PDHX: variants seen among roughly 807,000 people sequenced by gnomAD.
The protein encoded by PDHX is pyruvate dehydrogenase complex component X.
A neutral mutation model predicts 55.3 loss-of-function variants in PDHX; 33 were observed. The ratio of observed to expected loss-of-function variants is 0.60; its 90% CI spans 0.45 to 0.80. The LOEUF is 0.80. Among genes scored for constraint, PDHX ranks in the 30% least tolerant of loss-of-function variants. The probability of loss-of-function intolerance (pLI) is 0.00; values close to 1 mark genes in which losing one functional copy is unlikely to be tolerated. For synonymous variants in PDHX, 226 were observed against 219.4 expected, an observed-to-expected ratio of 1.03 and a Z score of -0.27; for missense variants, 622 against 619.9, an observed-to-expected ratio of 1.00 and a Z score of -0.04.
intron 2 of PDHX, among the ~76,000 whole-genome samples, chr11:34,933,196 A>G (rs1294686792): frequency 6.6e-6 from 1 of 152,254 alleles, no homozygotes; most frequent in Non-Finnish European, 1.5e-5. Context: ...AAACAAAATT[A>G]AAGTGTAAAA....
chr11:34,987,897 C>G (rs1337072804), intron 9 of PDHX, among the ~76,000 whole-genome samples: 1 of 152,100 alleles, frequency 6.6e-6, no homozygotes, highest in Non-Finnish European at 1.5e-5. Context: ...GTAATAAATG[C>G]ATTTTCTGTC....
intron 8 of PDHX, among the ~76,000 whole-genome samples, chr11:34,981,665 G>T (rs1212191521): frequency 6.6e-6 from 1 of 152,062 alleles, no homozygotes. Flanking sequence ...AGCACCTGTT[G>T]TTTCCTGACT....
upstream of PDHX, chr11:34,916,497 C>T: frequency 7.0e-7 from 1 of 1,436,712 alleles, no homozygotes; most frequent in Non-Finnish European, 9.2e-7. Flanking sequence ...GCAAGGCCAA[C>T]GTGGTTGGAG....
intron 1 of PDHX, among the ~76,000 whole-genome samples, chr11:34,918,294 GA>G (rs1853788820): frequency 6.6e-6 from 1 of 150,558 alleles, no homozygotes; most frequent in African/African-American, 2.4e-5. Context: ...AAAAAAGAAA[GA>G]AAAAAAGCCA....
rs555393483 is a variant in PDHX, at chr11:34,955,914, A to C, written c.343-1470A>C. Among the ~76,000 whole-genome samples the C allele has an allele frequency of 3.7e-4, 57 of 152,286 alleles. 2 individuals are homozygous for C. In the South Asian group the frequency reaches 0.01, roughly 27 times the overall value. ...ATTAACATCAAGTGGACTTCATGTC[A>C]CTTAACAGTGCTTTTTTGTATACAT... On this transcript the variant is annotated intron_variant, in intron 3 of 10. Coordinates refer to ENST00000227868, the MANE Select transcript of PDHX (RefSeq NM_003477.3).
intron 8 of PDHX, among the ~76,000 whole-genome samples, chr11:34,981,144 C>T (rs905570995): frequency 6.6e-6 from 1 of 151,942 alleles, no homozygotes; most frequent in Non-Finnish European, 1.5e-5. Flanking sequence ...TGCTGTCCTT[C>T]CCCCCTCCCC....
chr11:34,951,558 G>A (rs1236329337), intron 3 of PDHX, among the ~76,000 whole-genome samples: 1 of 151,970 alleles, frequency 6.6e-6, no homozygotes, highest in Non-Finnish European at 1.5e-5. Context: ...TTTTTTTCTT[G>A]TAAATTTGTT....
chr11:34,922,552 C>T (rs1449321468), intron 1 of PDHX, among the ~76,000 whole-genome samples: 2 of 152,106 alleles, frequency 1.3e-5, no homozygotes, highest in Admixed American at 6.5e-5. Flanking sequence ...AGCATGCTGA[C>T]GTTTTAAAGT....
At position 34,970,210 on chromosome 11, in the gene PDHX, T is replaced by C. The variant is rs956332613; in HGVS notation, c.888T>C (p.Ser296=). 5 of 1,612,520 alleles carry C rather than the reference T, an allele frequency of 3.1e-6. No homozygotes were observed. Among genetic ancestry groups the C allele is most frequent in the Non-Finnish European group, 4.2e-6 (5 of 1,178,526 alleles). Residue 296 remains serine (S), a synonymous_variant, in exon 7 of 11, where the codon AGT becomes AGC. Transcript: ENST00000227868. Reference sequence around the variant, plus strand: ...CCAAGAGATTAACTGAATCTAAAAGTACTGTACCTCATGCATATGCTACTG... The same window carrying C: ...CCAAGAGATTAACTGAATCTAAAAGCACTGTACCTCATGCATATGCTACTG... The part of the protein sequence containing the change: ...VIAKRLTESK[S]TVPHAYATAD...
Position 34,947,603 on chromosome 11 carries a change from CGT to C in PDHX, c.341_342del (p.Val114GlyfsTer2). The C allele has an allele frequency of 6.3e-7, 1 of 1,596,742 alleles. No homozygotes were observed. Among genetic ancestry groups the C allele is most frequent in the Non-Finnish European group, 8.6e-7 (1 of 1,164,230 alleles). On this transcript the variant is annotated frameshift_variant and splice_region_variant, in exon 3 of 11. Transcript: ENST00000227868. LOFTEE classifies it high-confidence loss of function. The part of the protein sequence containing the change: ...ASDDGILAKI[V>X]VEEGSKNIRL... ...GTGATGATGGAATCTTGGCCAAAATCGTGGTAAGTTTTTATTTTAATTTTCTT... is the reference window on the plus strand; with the variant it reads ...GTGATGATGGAATCTTGGCCAAAATCGGTAAGTTTTTATTTTAATTTTCTT...
chr11:34,948,551 C>G (rs1466362525), intron 3 of PDHX, among the ~76,000 whole-genome samples: 1 of 145,496 alleles, frequency 6.9e-6, no homozygotes, highest in Non-Finnish European at 1.5e-5. Flanking sequence ...ATTTGTTTTT[C>G]TTTCTAGAAA....
chr11:34,985,010 A>G (rs1175225371), intron 9 of PDHX: 5 of 350,892 alleles, frequency 1.4e-5, no homozygotes, highest in Non-Finnish European at 2.1e-5. Context: ...TCCAAAGTCC[A>G]GAATTCAGCC....
rs1451878507 is a variant in PDHX, at chr11:34,996,061, A to G, written c.*889A>G. 5.3e-5 allele frequency: 8 copies of G among 152,212 alleles called. No individual in the cohort carries two copies. The allele number at this position is 152,212 out of a possible 1,614,324, so 9.4% of individuals were successfully genotyped here. A position where few individuals can be genotyped will look rare whatever the true frequency, so the allele number is the denominator to read the frequency against. On this transcript the variant is annotated 3_prime_UTR_variant, in exon 11 of 11. Transcript: ENST00000227868. ...ATTGTGCAGTAAAATGTGAGAAAATATAAACATTTCTATTGTATTTTAAAT... is the reference window on the plus strand; with the variant it reads ...ATTGTGCAGTAAAATGTGAGAAAATGTAAACATTTCTATTGTATTTTAAAT...
rs1855848043 is a variant in PDHX, at chr11:34,995,855, T to C, written c.*683T>C. On this transcript the variant is annotated 3_prime_UTR_variant, in exon 11 of 11. Transcript: ENST00000227868. ...AAGCATGAATGAAAAGAATGACATT[T>C]CAAAAAAATGGTTCAATGAAAAACT... The C allele has an allele frequency of 6.6e-6, 1 of 152,332 alleles. No homozygotes were observed. The highest frequency in any genetic ancestry group is 2.4e-5 in the African/African-American group (1 of 41,442). The allele number at this position is 152,332 out of a possible 1,614,324, so 9.4% of individuals were successfully genotyped here. A position where few individuals can be genotyped will look rare whatever the true frequency, so the allele number is the denominator to read the frequency against.
At chr11:34,916,036 G>T, upstream of PDHX, 1 of 699,238 alleles carries the variant, frequency 1.4e-6, no homozygotes, top group Non-Finnish European at 2.3e-6. Flanking sequence ...CGAGACCACT[G>T]ATCTCCTGGG....
At chr11:34,924,800 A>G (rs1325798046) in intron 1 of PDHX, among the ~76,000 whole-genome samples, 1 of 152,144 alleles carries the variant, frequency 6.6e-6, no homozygotes, top group Non-Finnish European at 1.5e-5. Flanking sequence ...TCTCTGCCCC[A>G]TCTCACCCAA....
intron 2 of PDHX, among the ~76,000 whole-genome samples, chr11:34,934,309 C>T (rs1001395767): frequency 6.6e-6 from 1 of 152,006 alleles, no homozygotes; most frequent in African/African-American, 2.4e-5. Context: ...CCAGGAAATA[C>T]AGGGGAAAAT....
intron 1 of PDHX, 121 bp downstream of exon 1, chr11:34,916,936 C>T (rs565803571): frequency 3.3e-5 from 33 of 993,076 alleles, no homozygotes; most frequent in African/African-American, 1.9e-4. Flanking sequence ...TATTCCCTTT[C>T]CTCTTTCTCC....
chr11:34,922,487 A>T (rs1228346516), intron 1 of PDHX, among the ~76,000 whole-genome samples: 3 of 152,214 alleles, frequency 2.0e-5, no homozygotes, highest in African/African-American at 7.2e-5. Context: ...CCTTAACCAT[A>T]GTCTACCTCA....
Sources: allele counts gnomAD v4.1 joint callset (sites outside exome capture counted in the v4.1 genomes callset), GRCh38; gene constraint gnomAD v4.1.1; transcripts MANE v1.5; gene names NCBI Gene and HGNC (gene_info 2026-07-23, HGNC 2026-07-21).